The following P3H2 variants were observed in gnomAD, a reference collection of about 807,000 sequenced individuals.
P3H2 encodes the protein leprecan-like 1.
P3H2 carries 80 observed loss-of-function variants against 87.0 expected under a neutral mutation model. The observed-to-expected ratio is 0.92, with a 90% CI of 0.77 to 1.11. The LOEUF (loss-of-function observed/expected upper bound fraction) is 1.11, where lower values mean the gene tolerates loss of function less well. Among genes scored for constraint, P3H2 ranks in the 50% least tolerant of loss-of-function variants. The pLI is 0.00. For synonymous variants in P3H2, 367 were observed against 359.3 expected (o/e 1.02, Z -0.24); for missense variants, 1,001 against 923.9 (o/e 1.08, Z -1.08).
At chr3:189,969,123 T>G in intron 13 of P3H2, 1 of 559,432 alleles carries the variant, frequency 1.8e-6, no homozygotes, top group Non-Finnish European at 3.3e-6. Flanking sequence ...GCAGTAAACT[T>G]TTGGCTTTAC....
At chr3:189,961,867 C>T (rs1722825243) in intron 14 of P3H2, among the ~76,000 whole-genome samples, 1 of 152,112 alleles carries the variant, frequency 6.6e-6, no homozygotes, top group African/African-American at 2.4e-5. Context: ...AGAACAATAC[C>T]TTGGAAAAGG....
intron 1 of P3H2, among the ~76,000 whole-genome samples, chr3:190,012,168 G>A (rs115724209): frequency 0.035 from 5,221 of 149,970 alleles, 148 homozygotes; most frequent in Non-Finnish European, 0.054. Context: ...TATAAGACAA[G>A]TGAAATTTCA....
intron 1 of P3H2, among the ~76,000 whole-genome samples, chr3:190,089,240 G>GGATA (rs1193191830): frequency 6.6e-6 from 1 of 152,034 alleles, no homozygotes; most frequent in East Asian, 1.9e-4. Context: ...AAGCGGGGAG[G>GGATA]GATAGCATTA....
At chr3:190,107,164 A>C (rs1416265725) in intron 1 of P3H2, among the ~76,000 whole-genome samples, 5 of 152,166 alleles carry the variant, frequency 3.3e-5, no homozygotes, top group Non-Finnish European at 7.4e-5. Context: ...ATGAGTATTT[A>C]GTCTGATTCT....
intron 8 of P3H2, 124 bp from the exon 9 acceptor site, chr3:189,974,809 CA>C: frequency 8.2e-7 from 1 of 1,218,800 alleles, no homozygotes; most frequent in Admixed American, 1.8e-5. Flanking sequence ...TTTAGAAATG[CA>C]AAGACAAATT....
Position 189,994,083 on chromosome 3 carries a change from T to G in P3H2, c.823+11A>C, listed in dbSNP as rs373838683. 6.9e-6 allele frequency: 11 copies of G among 1,593,196 alleles called. No individual in the cohort carries two copies. The African/African-American group carries it at 1.2e-4, about 18-fold the overall frequency. ...TCAAGAAAGAAATAAAATGAAAAATTAAGCTTTTACCTGCAATAGCTTCAT... is the reference window on the plus strand; with the variant it reads ...TCAAGAAAGAAATAAAATGAAAAATGAAGCTTTTACCTGCAATAGCTTCAT... On this transcript the variant is annotated intron_variant, in intron 3 of 14. Coordinates refer to ENST00000319332, the MANE Select transcript of P3H2 (RefSeq NM_018192.4).
chr3:190,056,579 A>G (rs552019741), intron 1 of P3H2, among the ~76,000 whole-genome samples: 26 of 152,352 alleles, frequency 1.7e-4, no homozygotes, highest in Middle Eastern at 3.4e-3. Context: ...CAGGGAACGT[A>G]ATTTCAAGAA....
At position 190,073,834 on chromosome 3, in the gene P3H2, G is replaced by A. The variant is rs772579445; in HGVS notation, c.480+46418C>T. Among the ~76,000 whole-genome samples, 12 of 152,308 alleles carry A rather than the reference G, an allele frequency of 7.9e-5. No homozygotes were observed. In the South Asian group the frequency reaches 8.3e-4, roughly 11 times the overall value. On this transcript the variant is annotated intron_variant, in intron 1 of 14. Coordinates refer to ENST00000319332, the MANE Select transcript of P3H2 (RefSeq NM_018192.4). ...TTTGTGCCAAGGCCATACCTCAAAT[G>A]AGCTACAAATAAGGCTGTTTGGAGA... is the stretch of plus-strand genomic sequence containing the variant.
At chr3:190,040,839 AG>A (rs1162691234) in intron 1 of P3H2, among the ~76,000 whole-genome samples, 2 of 151,464 alleles carry the variant, frequency 1.3e-5, no homozygotes, top group African/African-American at 2.4e-5. Flanking sequence ...CTACAAAGCT[AG>A]TACACATAGT....
At chr3:189,979,566 T>C (rs971837834) in intron 8 of P3H2, among the ~76,000 whole-genome samples, 2 of 152,146 alleles carry the variant, frequency 1.3e-5, no homozygotes, top group African/African-American at 4.8e-5. Flanking sequence ...CAGAATAAGA[T>C]AATCCCAGAG....
intron 6 of P3H2, among the ~76,000 whole-genome samples, chr3:189,985,478 T>C (rs710560): frequency 0.75 from 113,297 of 151,226 alleles, 43,208 homozygotes; most frequent in East Asian, 0.92. Flanking sequence ...CTGTTCAATC[T>C]GTTGTGAGCT....
chr3:189,969,932 G>A, intron 13 of P3H2: 2 of 763,984 alleles, frequency 2.6e-6, no homozygotes, highest in Admixed American at 2.0e-5. Context: ...CCAAAGAGCG[G>A]CAGCAGTCGA....
intron 1 of P3H2, among the ~76,000 whole-genome samples, chr3:190,106,628 G>A (rs780038607): frequency 7.3e-5 from 11 of 151,614 alleles, no homozygotes; most frequent in South Asian, 4.2e-4. Flanking sequence ...TCTGATTCAC[G>A]TAGACAAGTT....
chr3:190,049,418 T>C (rs1725905388), intron 1 of P3H2, among the ~76,000 whole-genome samples: 1 of 151,982 alleles, frequency 6.6e-6, no homozygotes, highest in Non-Finnish European at 1.5e-5. Context: ...TTCGCCTAAA[T>C]GGCAGGGGAG....
intron 1 of P3H2, among the ~76,000 whole-genome samples, chr3:190,024,433 C>T (rs573130559): frequency 1.7e-3 from 251 of 147,362 alleles, no homozygotes; most frequent in Middle Eastern, 0.011. Flanking sequence ...ATCCCAGCTA[C>T]TCATGTGGCT....
At chr3:189,973,246 C>G in intron 10 of P3H2, 1 of 545,832 alleles carries the variant, frequency 1.8e-6, no homozygotes, top group Non-Finnish European at 3.3e-6. Flanking sequence ...TTCCTCTTCT[C>G]TTCTATTATA....
rs750077156 is a variant in P3H2, at chr3:189,964,005, A to C, written c.1987T>G (p.Cys663Gly). 40 of 1,613,972 alleles carry C rather than the reference A, an allele frequency of 2.5e-5. No homozygotes were observed. The highest frequency in any genetic ancestry group is 3.3e-5 in the Non-Finnish European group (39 of 1,179,974). ...AAGGTGAACCACAGAGCCACAGCAC[A>C]CCTCTTTCCCTTGGTGACTGCCTTC... ...GVKAVTKGKR[C>G]AVALWFTLDP... The change falls in exon 14 of 15, where the codon TGT (cysteine) becomes GGT (glycine). Residue 663 changes from cysteine (C) to glycine (G), a missense_variant. Cys to Gly is a radical substitution (Grantham distance 159). Coordinates refer to ENST00000319332, the MANE Select transcript of P3H2 (RefSeq NM_018192.4).
At chr3:190,087,628 C>A (rs1727268463) in intron 1 of P3H2, among the ~76,000 whole-genome samples, 1 of 150,904 alleles carries the variant, frequency 6.6e-6, no homozygotes, top group South Asian at 2.1e-4. Context: ...TATCTAAATG[C>A]ATTATGGGAA....
intron 8 of P3H2, among the ~76,000 whole-genome samples, chr3:189,976,119 C>T (rs886966824): frequency 6.6e-6 from 1 of 152,160 alleles, no homozygotes; most frequent in Non-Finnish European, 1.5e-5. Context: ...ATTCTACTCA[C>T]TGATCTGGTC....
Sources: allele counts gnomAD v4.1 joint callset (sites outside exome capture counted in the v4.1 genomes callset), GRCh38; gene constraint gnomAD v4.1.1; transcripts MANE v1.5; gene names NCBI Gene and HGNC (gene_info 2026-07-23, HGNC 2026-07-21).